VWA3B: variants seen among roughly 807,000 people sequenced by gnomAD.
VWA3B encodes the protein von Willebrand factor A domain containing 3B, also known as von Willebrand factor A domain-containing protein 3B.
A neutral mutation model predicts 158.3 loss-of-function variants in VWA3B; 138 were observed. The ratio of observed to expected loss-of-function variants is 0.87; its 90% confidence interval spans 0.76 to 1.00. VWA3B has a LOEUF of 1.00. Among genes scored for constraint, VWA3B ranks in the 50% least tolerant of loss-of-function variants. VWA3B has a pLI of 0.00. For synonymous variants in VWA3B, 596 were observed against 587.3 expected, an observed-to-expected ratio of 1.01 and a Z score of -0.21; for missense variants, 1,555 against 1,565.1, an observed-to-expected ratio of 0.99 and a Z score of 0.11.
intron 7 of VWA3B, among the ~76,000 whole-genome samples, chr2:98,154,195 G>A (rs1677870597): frequency 6.6e-6 from 1 of 152,136 alleles, no homozygotes; most frequent in African/African-American, 2.4e-5. Flanking sequence ...ATAGCCCTCT[G>A]GTTAGTTAAC....
intron 26 of VWA3B, among the ~76,000 whole-genome samples, chr2:98,305,360 T>C (rs1337862237): frequency 3.9e-5 from 6 of 152,084 alleles, no homozygotes; most frequent in African/African-American, 1.2e-4. Context: ...TGGGTAACTA[T>C]AGGGGGAAGA....
chr2:98,163,009 A>T, intron 8 of VWA3B, 33 bp downstream of exon 8: 4 of 1,611,264 alleles, frequency 2.5e-6, no homozygotes, highest in Non-Finnish European at 3.4e-6. Flanking sequence ...GGTGTAAAAG[A>T]TTCATAAATG....
At chr2:98,092,382 C>A (rs202197273) in intron 1 of VWA3B, among the ~76,000 whole-genome samples, 2 of 152,226 alleles carry the variant, frequency 1.3e-5, no homozygotes, top group African/African-American at 4.8e-5. Flanking sequence ...CAGTGGCTCA[C>A]GCCTGTAATC....
Position 98,312,506 on chromosome 2 carries a change from T to A in VWA3B, c.*157T>A. ...GTAGCAAAGACTCCTCTCCCCTCCATCCCTGCTGCCTCCCCTACCCGTTTG... is the reference window on the plus strand; with the variant it reads ...GTAGCAAAGACTCCTCTCCCCTCCAACCCTGCTGCCTCCCCTACCCGTTTG... On this transcript the variant is annotated 3_prime_UTR_variant, in exon 28 of 28. Coordinates refer to ENST00000477737, the MANE Select transcript of VWA3B (RefSeq NM_144992.5). 2.3e-6 allele frequency: 2 copies of A among 865,946 alleles called. No homozygotes were observed. Among genetic ancestry groups the A allele is most frequent in the Non-Finnish European group, 3.4e-6 (2 of 591,820 alleles). 53.6% of individuals were successfully genotyped at this position (865,946 alleles called of 1,614,324 possible). A position where few individuals can be genotyped will look rare whatever the true frequency, so the allele number is the denominator to read the frequency against.
chr2:98,271,208 G>T (rs1263652273), intron 22 of VWA3B, among the ~76,000 whole-genome samples: 3 of 152,080 alleles, frequency 2.0e-5, no homozygotes, highest in African/African-American at 4.8e-5. Context: ...TAACCTGTGT[G>T]TGATTTTGGT....
At chr2:98,257,124 T>A (rs1387421852) in intron 21 of VWA3B, among the ~76,000 whole-genome samples, 1 of 152,044 alleles carries the variant, frequency 6.6e-6, no homozygotes, top group Non-Finnish European at 1.5e-5. Context: ...CTTCCCTGCC[T>A]CTGGTAACTA....
the VWA3B span, among the ~76,000 whole-genome samples, chr2:98,323,101 T>C: frequency 3.9e-5 from 6 of 152,132 alleles, no homozygotes; most frequent in Non-Finnish European, 8.8e-5. Flanking sequence ...AACAGGAAAA[T>C]GTATTCTATT....
At chr2:98,126,317 G>A (rs980329193) in intron 5 of VWA3B, among the ~76,000 whole-genome samples, 15 of 152,298 alleles carry the variant, frequency 9.8e-5, no homozygotes, top group African/African-American at 3.6e-4. Flanking sequence ...CGTGTGTGGT[G>A]TCAGGAGTGG....
intron 2 of VWA3B, among the ~76,000 whole-genome samples, chr2:98,107,852 T>C (rs1437739625): frequency 1.3e-5 from 2 of 152,016 alleles, no homozygotes; most frequent in African/African-American, 4.8e-5. Context: ...TTTTCTGTTT[T>C]CAATTTCATT....
chr2:98,143,752 C>CTTTTCT (rs1198008145), intron 7 of VWA3B, among the ~76,000 whole-genome samples: 4 of 130,952 alleles, frequency 3.1e-5, no homozygotes, highest in Non-Finnish European at 6.5e-5. Context: ...CTTTTCTTTT[C>CTTTTCT]TTTTTTTTTT....
At chr2:98,244,386 A>G (rs1261433788) in intron 19 of VWA3B, among the ~76,000 whole-genome samples, 2 of 151,768 alleles carry the variant, frequency 1.3e-5, no homozygotes, top group African/African-American at 4.8e-5. Flanking sequence ...TTTCAATTTC[A>G]ATTCTTTTAT....
At chr2:98,155,366 C>A (rs1677977015) in intron 7 of VWA3B, among the ~76,000 whole-genome samples, 1 of 152,204 alleles carries the variant, frequency 6.6e-6, no homozygotes, top group African/African-American at 2.4e-5. Flanking sequence ...TCACGTAGAT[C>A]TTGTATCATG....
intron 21 of VWA3B, among the ~76,000 whole-genome samples, chr2:98,258,763 A>G (rs577853926): frequency 6.6e-6 from 1 of 151,976 alleles, no homozygotes; most frequent in South Asian, 2.1e-4. Flanking sequence ...ATATAGAAAC[A>G]TATCATCTGC....
chr2:98,182,233 C>A (rs1163253201), intron 9 of VWA3B, among the ~76,000 whole-genome samples: 1 of 152,160 alleles, frequency 6.6e-6, no homozygotes, highest in African/African-American at 2.4e-5. Flanking sequence ...GGCTCCGATT[C>A]AAAGTCAGGG....
intron 22 of VWA3B, among the ~76,000 whole-genome samples, chr2:98,276,915 G>A (rs1688562393): frequency 6.6e-6 from 1 of 152,156 alleles, no homozygotes; most frequent in Admixed American, 6.5e-5. Context: ...CCTAAGTTTG[G>A]GGCAGCTTCA....
chr2:98,227,494 A>G (rs562640856), intron 14 of VWA3B, among the ~76,000 whole-genome samples: 319 of 152,334 alleles, frequency 2.1e-3, no homozygotes, highest in African/African-American at 7.2e-3. Context: ...AACAACATCA[A>G]CAGGTGAATG....
chr2:98,296,512 CA>C (rs1203953048), intron 23 of VWA3B, among the ~76,000 whole-genome samples: 4 of 151,626 alleles, frequency 2.6e-5, no homozygotes, highest in African/African-American at 9.7e-5. Context: ...GCATATTTTT[CA>C]AAAAAAATTC....
chr2:98,090,139 G>A (rs1006462548), intron 1 of VWA3B, among the ~76,000 whole-genome samples: 1 of 152,160 alleles, frequency 6.6e-6, no homozygotes, highest in Admixed American at 6.5e-5. Context: ...AAAGAAAAAA[G>A]TTTCTTCTGA....
At position 98,303,734 on chromosome 2, in the gene VWA3B, C is replaced by T; in HGVS notation, c.3453C>T (p.Ile1151=). ...GCCCTCGGAGTGCACTTATTAAGATCAGCCAAAACAAGTATGCGCTCTCTT... is the reference window on the plus strand; with the variant it reads ...GCCCTCGGAGTGCACTTATTAAGATTAGCCAAAACAAGTATGCGCTCTCTT... ...EFCPRSALIK[I]SQNKYALSCS... The change falls in exon 26 of 28, where the codon ATC becomes ATT. Residue 1151 remains isoleucine, a synonymous_variant. Transcript: ENST00000477737. 1 of 1,614,140 alleles carries T rather than the reference C, an allele frequency of 6.2e-7. No homozygotes were observed. The highest frequency in any genetic ancestry group is 8.5e-7 in the Non-Finnish European group (1 of 1,180,026).
Sources: allele counts gnomAD v4.1 joint callset (sites outside exome capture counted in the v4.1 genomes callset), GRCh38; gene constraint gnomAD v4.1.1; transcripts MANE v1.5; gene names NCBI Gene and HGNC (gene_info 2026-07-23, HGNC 2026-07-21).